Variants in NCOA1 observed in about 807,000 individuals in gnomAD.
The protein encoded by NCOA1 is nuclear receptor coactivator 1, also known as Hin-2 protein.
In NCOA1, 35 loss-of-function variants were observed where a neutral mutation model predicts 150.9. That is an observed-to-expected ratio of 0.23 (90% confidence interval 0.18 to 0.31). The LOEUF (loss-of-function observed/expected upper bound fraction) is 0.31. NCOA1 is among the 10% of genes least tolerant of loss of function. The probability of loss-of-function intolerance (pLI) is 1.00; values close to 1 mark genes in which losing one functional copy is unlikely to be tolerated. For synonymous variants in NCOA1, 590 were observed against 630.0 expected, an observed-to-expected ratio of 0.94 and a Z score of 0.95; for missense variants, 1,491 against 1,749.3, an observed-to-expected ratio of 0.85 and a Z score of 2.63.
intron 13 of NCOA1, among the ~76,000 whole-genome samples, chr2:24,709,333 A>AT (rs1673618198): frequency 6.6e-6 from 1 of 151,956 alleles, no homozygotes; most frequent in African/African-American, 2.4e-5. Flanking sequence ...GTGTATCAGT[A>AT]TTTTTTCTAG....
At chr2:24,642,012 G>A (rs1028091959) in intron 3 of NCOA1, among the ~76,000 whole-genome samples, 1 of 46,504 alleles carries the variant, frequency 2.2e-5, no homozygotes, top group Non-Finnish European at 9.0e-5. Flanking sequence ...GAGGGCGTGT[G>A]TGTGTGTGTG....
chr2:24,755,190 G>A lies in NCOA1; in HGVS notation c.3882-2783G>A, dbSNP rs1159296979. Reference sequence around the variant, plus strand: ...TCAGAGAGAATTAAAACATGAAACAGTCAGAGAACCATTAAGTAGAATGAT... The same window carrying A: ...TCAGAGAGAATTAAAACATGAAACAATCAGAGAACCATTAAGTAGAATGAT... On this transcript the variant is annotated intron_variant, in intron 20 of 22. Coordinates refer to ENST00000348332, the MANE Select transcript of NCOA1 (RefSeq NM_003743.5). Among the ~76,000 whole-genome samples the A allele has an allele frequency of 2.0e-5, 3 of 152,234 alleles. No homozygotes were observed. The East Asian group carries it at 5.8e-4, about 29-fold the overall frequency.
At chr2:24,527,545 TTTTA>T (rs1338402030) in intron 1 of NCOA1, among the ~76,000 whole-genome samples, 1 of 152,218 alleles carries the variant, frequency 6.6e-6, no homozygotes, top group Non-Finnish European at 1.5e-5. Flanking sequence ...CACCACAGTT[TTTTA>T]TTCATTTGTT....
At chr2:24,591,820 G>C (rs143396900) in intron 3 of NCOA1, among the ~76,000 whole-genome samples, 4 of 152,148 alleles carry the variant, frequency 2.6e-5, no homozygotes, top group African/African-American at 9.6e-5. Context: ...CAAAAGTAGA[G>C]AGTATGATGA....
At position 24,658,756 on chromosome 2, in the gene NCOA1, C is replaced by A; in HGVS notation, c.79C>A (p.Leu27Met). 6.2e-7 allele frequency: 1 copy of A among 1,613,954 alleles called. No homozygotes were observed. The highest frequency in any genetic ancestry group is 2.2e-5 in the East Asian group (1 of 44,886). ...GAGGAAAGGATCGCCATGTGACACA[C>A]TGGCATCAAGGTAGGAACACTCCTC... ...HKRKGSPCDT[L>M]ASSTEKRRRE... Residue 27 changes from leucine to methionine, a missense_variant, in exon 5 of 23, where the codon CTG becomes ATG. By Grantham distance (15) the Leu-to-Met change is conservative. Around this residue, in one of 8 missense-constraint regions of NCOA1, gnomAD observed 40 missense variants for 39.6 expected, o/e 1.01. Transcript: ENST00000348332.
chr2:24,499,490 G>A (rs190283509), intron 1 of NCOA1, among the ~76,000 whole-genome samples: 52 of 151,586 alleles, frequency 3.4e-4, no homozygotes, highest in Admixed American at 2.6e-3. Flanking sequence ...TGTTCTTAGT[G>A]TACTTCTTTT....
chr2:24,630,919 A>G (rs1330777693), intron 3 of NCOA1, among the ~76,000 whole-genome samples: 1 of 152,222 alleles, frequency 6.6e-6, no homozygotes, highest in Non-Finnish European at 1.5e-5. Flanking sequence ...AATATTTTAC[A>G]GCATTTTCAG....
At chr2:24,617,963 A>T (rs1170870192) in intron 3 of NCOA1, among the ~76,000 whole-genome samples, 1 of 152,214 alleles carries the variant, frequency 6.6e-6, no homozygotes, top group African/African-American at 2.4e-5. Context: ...ATGTAAACTT[A>T]GTGAAAAAAG....
intron 1 of NCOA1, among the ~76,000 whole-genome samples, chr2:24,537,458 T>A (rs971505656): frequency 2.0e-5 from 3 of 151,702 alleles, no homozygotes; most frequent in Non-Finnish European, 4.4e-5. Context: ...TATATTTGTG[T>A]GTGTATATAT....
chr2:24,635,922 T>G (rs1478678980), intron 3 of NCOA1, among the ~76,000 whole-genome samples: 2 of 152,136 alleles, frequency 1.3e-5, no homozygotes, highest in African/African-American at 2.4e-5. Flanking sequence ...GGAGGGGCAG[T>G]AAGAGGTCAG....
In NCOA1 at chr2:24,761,239, T is replaced by C. The variant is rs117546711; in HGVS notation, c.4066-1448T>C. Reference sequence around the variant, plus strand: ...TCAGAGACTTCAGTTGCATGTATAGTGCACTTGAAATTGTCTCACATTCAC... The same window carrying C: ...TCAGAGACTTCAGTTGCATGTATAGCGCACTTGAAATTGTCTCACATTCAC... On this transcript the variant is annotated intron_variant, in intron 21 of 22. Transcript: ENST00000348332. Among the ~76,000 whole-genome samples, 55 of 152,334 alleles carry C rather than the reference T, an allele frequency of 3.6e-4. 1 individual carries two copies. In the East Asian group the frequency reaches 8.3e-3, roughly 23 times the overall value.
chr2:24,516,230 T>C (rs551235143), intron 1 of NCOA1, among the ~76,000 whole-genome samples: 8 of 142,948 alleles, frequency 5.6e-5, no homozygotes, highest in African/African-American at 1.8e-4. Context: ...CCTCGCTCTG[T>C]CGCCCAGGCT....
rs567093639 is a variant in NCOA1, at chr2:24,770,558, C to A, written c.*2167C>A. 1 of 215,656 alleles carries A rather than the reference C, an allele frequency of 4.6e-6. No homozygotes were observed. Among genetic ancestry groups the A allele is most frequent in the South Asian group, 1.9e-4 (1 of 5,350 alleles). 13.4% of individuals were successfully genotyped at this position (215,656 alleles called of 1,614,324 possible). A position where few individuals can be genotyped will look rare whatever the true frequency, so the allele number is the denominator to read the frequency against. ...GTCATTCCACAGGAAATTCACTTTT[C>A]CAGCTACTGAATAGAATTTGTTTAA... is the stretch of plus-strand genomic sequence containing the variant. On this transcript the variant is annotated 3_prime_UTR_variant, in exon 23 of 23. Transcript: ENST00000348332.
chr2:24,555,429 T>G (rs1352992295), intron 1 of NCOA1, among the ~76,000 whole-genome samples: 1 of 152,144 alleles, frequency 6.6e-6, no homozygotes, highest in Non-Finnish European at 1.5e-5. Context: ...AAGAACATAG[T>G]TTTTGCTCGT....
intron 1 of NCOA1, among the ~76,000 whole-genome samples, chr2:24,549,074 G>A (rs1019458467): frequency 1.4e-4 from 22 of 152,158 alleles, no homozygotes; most frequent in African/African-American, 5.3e-4. Context: ...CTCTATGAGA[G>A]CCCCGCCCCT....
At chr2:24,576,149 G>GTTTTTTTTTGTTTGTTTTTT (rs1666947727) in intron 2 of NCOA1, among the ~76,000 whole-genome samples, 3 of 94,022 alleles carry the variant, frequency 3.2e-5, no homozygotes, top group African/African-American at 1.3e-4. Flanking sequence ...TTTGGCCTTT[G>GTTTTTTTTTGTTTGTTTTTT]TTTTTTTTTT....
At chr2:24,647,002 A>G in intron 4 of NCOA1, among the ~76,000 whole-genome samples, 1 of 152,136 alleles carries the variant, frequency 6.6e-6, no homozygotes. Context: ...TTTATATTAT[A>G]ACGTATGATA....
chr2:24,586,558 G>GC (rs970670753), intron 3 of NCOA1, among the ~76,000 whole-genome samples: 2 of 152,236 alleles, frequency 1.3e-5, no homozygotes, highest in African/African-American at 4.8e-5. Flanking sequence ...TCAGCTCACT[G>GC]CAACTTCTGC....
chr2:24,601,612 CTTT>C (rs112063269), intron 3 of NCOA1, among the ~76,000 whole-genome samples: 1 of 132,000 alleles, frequency 7.6e-6, no homozygotes, highest in Non-Finnish European at 1.6e-5. Flanking sequence ...CTCCTTCCTC[CTTT>C]TTTTTTTTTT....
Sources: gnomAD v4.1 joint callset for allele counts (sites outside exome capture counted in the v4.1 genomes callset) on GRCh38, gnomAD v4.1.1 for gene constraint, gnomAD v4.1.1 regional missense constraint, MANE v1.5 for transcripts, NCBI Gene and HGNC (gene_info 2026-07-23, HGNC 2026-07-21) for gene names.